CYBRD1: variants seen among roughly 807,000 people sequenced by gnomAD.
CYBRD1 encodes the protein cytochrome b reductase 1.
CYBRD1 carries 14 observed loss-of-function variants against 21.9 expected under a neutral mutation model. That is an observed-to-expected ratio of 0.64 (90% confidence interval 0.42 to 1.00). CYBRD1 has a LOEUF of 1.00. Ranked by LOEUF, CYBRD1 falls within the 50% of genes least tolerant of loss-of-function variation. The pLI is 0.00. For synonymous variants in CYBRD1, 146 were observed against 136.5 expected (o/e 1.07, Z -0.48); for missense variants, 328 against 352.5 (o/e 0.93, Z 0.56).
At chr2:171,529,896 A>G (rs565725395) in intron 1 of CYBRD1, among the ~76,000 whole-genome samples, 2 of 152,354 alleles carry the variant, frequency 1.3e-5, no homozygotes, top group South Asian at 2.1e-4. Flanking sequence ...TCCTAATCCC[A>G]GGTATCCATG....
intron 1 of CYBRD1, among the ~76,000 whole-genome samples, chr2:171,523,668 G>C (rs1697345000): frequency 6.6e-6 from 1 of 152,208 alleles, no homozygotes; most frequent in Non-Finnish European, 1.5e-5. Context: ...TCTCTGGGCT[G>C]AGGCTGGCGC....
chr2:171,524,098 G>C (rs6749185), intron 1 of CYBRD1, among the ~76,000 whole-genome samples: 95,530 of 151,990 alleles, frequency 0.63, 30,759 homozygotes, highest in East Asian at 0.85. Context: ...CTGCAGCTTT[G>C]GCAAGTGTGG....
rs1346392948 is a variant in CYBRD1 at position 171,557,522 on chromosome 2, T to C, written c.*2695T>C. On this transcript the variant is annotated 3_prime_UTR_variant, in exon 4 of 4. Transcript: ENST00000321348. ...CTTTTTGAATTACTGTCATCAAAAG[T>C]GTACGGCTTCCTGTGCTGCTTGTGT... 6.6e-6 allele frequency: 1 copy of C among 152,254 alleles called. No individual in the cohort carries two copies. The highest frequency in any genetic ancestry group is 1.5e-5 in the Non-Finnish European group (1 of 68,050). The allele number at this position is 152,254 out of a possible 1,614,324, so 9.4% of individuals were successfully genotyped here.
intron 2 of CYBRD1, among the ~76,000 whole-genome samples, chr2:171,551,734 T>G (rs77494257): frequency 0.024 from 3,660 of 152,296 alleles, 135 homozygotes; most frequent in African/African-American, 0.083. Flanking sequence ...AGTTGTTGTC[T>G]CCAACTTATT....
chr2:171,528,376 C>T (rs554632614), intron 1 of CYBRD1, among the ~76,000 whole-genome samples: 11 of 151,924 alleles, frequency 7.2e-5, no homozygotes, highest in African/African-American at 1.9e-4. Flanking sequence ...TGAGCCACCA[C>T]GTCTGGCCGG....
rs1235832957 is a variant in CYBRD1 at position 171,554,531 on chromosome 2, C to A, written c.565C>A (p.Pro189Thr). 3 of 1,613,702 alleles carry A rather than the reference C, an allele frequency of 1.9e-6. No individual in the cohort carries two copies. The highest frequency in any genetic ancestry group is 1.7e-6 in the Non-Finnish European group (2 of 1,179,880). Residue 189 changes from proline to threonine, a missense_variant, in exon 4 of 4, where the codon CCT (proline) becomes ACT (threonine). Coordinates refer to ENST00000321348, the MANE Select transcript of CYBRD1 (RefSeq NM_024843.4). ...ACATCTCTTATTTCATAGGAGAGAT[C>A]CTGCATACAGTACATTCCCGCCAGA... is the stretch of plus-strand genomic sequence containing the variant. Reference protein sequence around the residue: ...TEKLIFSLRDPAYSTFPPEGV... With the variant: ...TEKLIFSLRDTAYSTFPPEGV...
chr2:171,533,089 G>A (rs1370123726), intron 1 of CYBRD1, among the ~76,000 whole-genome samples: 1 of 151,922 alleles, frequency 6.6e-6, no homozygotes, highest in Non-Finnish European at 1.5e-5. Context: ...TATTTGGGCC[G>A]GGCATGGTGG....
At chr2:171,522,379 C>G (rs2356782), upstream of CYBRD1, 852,168 of 1,491,972 alleles carry the variant, frequency 0.57, 247,693 homozygotes, top group East Asian at 0.84. This position sits in a 1 kb window ranked among gnomAD's most constrained non-coding sequence, Gnocchi z 4.3. Flanking sequence ...CTCCCCACCC[C>G]CAAGAGGCCC....
At position 171,546,064 on chromosome 2, in the gene CYBRD1, C is replaced by T. The variant is rs555332924; in HGVS notation, c.402+4271C>T. Among the ~76,000 whole-genome samples, 12 of 152,232 alleles carry T rather than the reference C, an allele frequency of 7.9e-5. No homozygotes were observed. The South Asian group carries it at 1.9e-3, about 24-fold the overall frequency. Reference sequence around the variant, plus strand: ...CTCGCGTTGTTGTCTTTGTGCTAACCGAGCTTCTCAGAAATATTATTTCAC... The same window carrying T: ...CTCGCGTTGTTGTCTTTGTGCTAACTGAGCTTCTCAGAAATATTATTTCAC... On this transcript the variant is annotated intron_variant, in intron 2 of 3. Transcript: ENST00000321348.
intron 1 of CYBRD1, among the ~76,000 whole-genome samples, chr2:171,532,853 A>G (rs1039778409): frequency 2.0e-5 from 3 of 148,934 alleles, no homozygotes; most frequent in Non-Finnish European, 4.4e-5. Flanking sequence ...TATGTTAATT[A>G]GCTTGATTTA....
chr2:171,553,727 A>G (rs2105348115), intron 3 of CYBRD1, among the ~76,000 whole-genome samples: 1 of 152,346 alleles, frequency 6.6e-6, no homozygotes, highest in Non-Finnish European at 1.5e-5. Context: ...TATTGAAGTT[A>G]TACATTCCCT....
intron 1 of CYBRD1, among the ~76,000 whole-genome samples, chr2:171,532,875 ATGTGTG>A (rs10618404): frequency 0.088 from 12,903 of 147,362 alleles, 670 homozygotes; most frequent in Middle Eastern, 0.17. Context: ...CCATTTCACG[ATGTGTG>A]TGTGTGTGTG....
chr2:171,528,917 T>C (rs1361582048), intron 1 of CYBRD1, among the ~76,000 whole-genome samples: 4 of 152,234 alleles, frequency 2.6e-5, no homozygotes, highest in Non-Finnish European at 5.9e-5. Context: ...CACTAGAAAA[T>C]CTTATAGACT....
At chr2:171,551,041 CCATCTCCAGGACTCAAG>C (rs1683358301) in intron 2 of CYBRD1, 1 of 224,186 alleles carries the variant, frequency 4.5e-6, no homozygotes. Context: ...ACTGCAACCT[CCATCTCCAGGACTCAAG>C]CAATCCTCCT....
chr2:171,535,067 T>G (rs544170764), intron 1 of CYBRD1, among the ~76,000 whole-genome samples: 1 of 152,070 alleles, frequency 6.6e-6, no homozygotes, highest in East Asian at 1.9e-4. Flanking sequence ...TAAATAAAAA[T>G]AAGACATTTT....
Position 171,554,620 on chromosome 2 carries a change from A to G in CYBRD1, c.654A>G (p.Ile218Met). ...ILVFGALIFW[I>M]VTRPQWKRPK... ...TGTTCGGGGCCCTCATTTTTTGGATAGTCACCAGACCGCAATGGAAACGTC... is the reference window on the plus strand; with the variant it reads ...TGTTCGGGGCCCTCATTTTTTGGATGGTCACCAGACCGCAATGGAAACGTC... The change falls in exon 4 of 4, where the codon ATA becomes ATG. Residue 218 changes from isoleucine (I) to methionine (M), a missense_variant. By Grantham distance (10) the Ile-to-Met change is conservative. Coordinates refer to ENST00000321348, the MANE Select transcript of CYBRD1 (RefSeq NM_024843.4). The G allele has an allele frequency of 6.2e-7, 1 of 1,614,036 alleles. No individual in the cohort carries two copies. Among genetic ancestry groups the G allele is most frequent in the Non-Finnish European group, 8.5e-7 (1 of 1,179,962 alleles).
Position 171,555,076 on chromosome 2 carries a change from A to G in CYBRD1, c.*249A>G, listed in dbSNP as rs1163777940. On this transcript the variant is annotated 3_prime_UTR_variant, in exon 4 of 4. Transcript: ENST00000321348. ...TGTTACCTTTATCTTGTTGAGGACC[A>G]CAACATTAGCACGGTGCCTTGTGCA... The G allele has an allele frequency of 1.1e-5, 6 of 524,262 alleles. No homozygotes were observed. In the East Asian group the frequency reaches 2.1e-4, roughly 18 times the overall value. 32.5% of individuals were successfully genotyped at this position (524,262 alleles called of 1,614,324 possible).
At chr2:171,530,130 G>A (rs2105331299) in intron 1 of CYBRD1, among the ~76,000 whole-genome samples, 1 of 152,284 alleles carries the variant, frequency 6.6e-6, no homozygotes, top group East Asian at 1.9e-4. Flanking sequence ...AGAATTGTTG[G>A]CTCCCCTAGA....
At position 171,549,837 on chromosome 2, in the gene CYBRD1, G is replaced by T. The variant is rs545958138; in HGVS notation, c.403-3509G>T. Reference sequence around the variant, plus strand: ...TAGGTGATGATTCCTAAACACTGGGGCACTTTGTTTGCATATAGTTGGCAT... The same window carrying T: ...TAGGTGATGATTCCTAAACACTGGGTCACTTTGTTTGCATATAGTTGGCAT... On this transcript the variant is annotated intron_variant, in intron 2 of 3. Transcript: ENST00000321348. Among the ~76,000 whole-genome samples, 48 of 152,268 alleles carry T rather than the reference G, an allele frequency of 3.2e-4. No individual in the cohort carries two copies. The South Asian group carries it at 3.7e-3, about 12-fold the overall frequency.
Sources: allele counts gnomAD v4.1 joint callset (sites outside exome capture counted in the v4.1 genomes callset), GRCh38; gene constraint gnomAD v4.1.1; non-coding constraint Gnocchi (gnomAD v3.1); transcripts MANE v1.5; gene names NCBI Gene and HGNC (gene_info 2026-07-23, HGNC 2026-07-21).